The following FAM184B variants were observed in gnomAD, a reference collection of about 807,000 sequenced individuals.
The protein encoded by FAM184B is protein FAM184B.
A neutral mutation model predicts 135.9 loss-of-function variants in FAM184B; 111 were observed. That is an observed-to-expected ratio of 0.82 (90% CI 0.70 to 0.96). FAM184B has a LOEUF of 0.96. FAM184B is among the 40% of genes least tolerant of loss of function. The probability of loss-of-function intolerance (pLI) is 0.00; values close to 1 mark genes in which losing one functional copy is unlikely to be tolerated. For synonymous variants in FAM184B, 552 were observed against 524.8 expected, an observed-to-expected ratio of 1.05 and a Z score of -0.71; for missense variants, 1,375 against 1,323.9, an observed-to-expected ratio of 1.04 and a Z score of -0.60.
rs1577236084 is a variant in FAM184B, at chr4:17,629,645, T to C, written c.*2887A>G. Reference sequence around the variant, plus strand: ...GATTTACCATTAAATACTGTTTTTTTCTCTCTCTTAACTTAATCCCGAATT... The same window carrying C: ...GATTTACCATTAAATACTGTTTTTTCCTCTCTCTTAACTTAATCCCGAATT... On this transcript the variant is annotated 3_prime_UTR_variant, in exon 18 of 18. Coordinates refer to ENST00000265018, the MANE Select transcript of FAM184B (RefSeq NM_015688.2). 1 of 152,202 alleles carries C rather than the reference T, an allele frequency of 6.6e-6. No individual in the cohort carries two copies. Among genetic ancestry groups the C allele is most frequent in the East Asian group, 1.9e-4 (1 of 5,194 alleles). 9.4% of individuals were successfully genotyped at this position (152,202 alleles called of 1,614,324 possible). A position where few individuals can be genotyped will look rare whatever the true frequency, so the allele number is the denominator to read the frequency against.
intron 15 of FAM184B, among the ~76,000 whole-genome samples, chr4:17,635,832 CAG>C (rs2108926472): frequency 1.3e-5 from 2 of 152,284 alleles, no homozygotes; most frequent in African/African-American, 4.8e-5. Context: ...GATACTGAAT[CAG>C]AGGGAGCTGG....
At chr4:17,663,422 C>T (rs1307821243) in intron 8 of FAM184B, among the ~76,000 whole-genome samples, 2 of 152,174 alleles carry the variant, frequency 1.3e-5, no homozygotes, top group African/African-American at 4.8e-5. Context: ...GGAAGTCAAA[C>T]TATCCCTATT....
Position 17,743,426 on chromosome 4 carries a change from C to T in FAM184B, c.142-33782G>A, listed in dbSNP as rs73800381. On this transcript the variant is annotated intron_variant, in intron 1 of 17. Transcript: ENST00000265018. ...GTTATAAAGTTCACTCTGGCTGCTG[C>T]GTTGAGAGCAGGTGGAAGCAGGGAG... is the stretch of plus-strand genomic sequence containing the variant. 8.1e-3 allele frequency among the ~76,000 whole-genome samples: 1,239 copies of T among 152,254 alleles called. 20 individuals carry two copies. Among genetic ancestry groups the T allele is most frequent in the African/African-American group, 0.027 (1,134 of 41,564 alleles).
intron 10 of FAM184B, among the ~76,000 whole-genome samples, chr4:17,656,684 G>A (rs1322201478): frequency 2.0e-5 from 3 of 152,160 alleles, no homozygotes; most frequent in Admixed American, 1.3e-4. Flanking sequence ...TTACAGGCGT[G>A]AGCCACAATG....
chr4:17,750,880 T>A (rs1718275088), intron 1 of FAM184B, among the ~76,000 whole-genome samples: 2 of 152,176 alleles, frequency 1.3e-5, no homozygotes, highest in Admixed American at 6.5e-5. Context: ...ATGCCTGATC[T>A]AAGCTGGCTT....
At chr4:17,715,933 T>C (rs916014182) in intron 1 of FAM184B, among the ~76,000 whole-genome samples, 3 of 152,186 alleles carry the variant, frequency 2.0e-5, no homozygotes, top group African/African-American at 7.2e-5. Flanking sequence ...TTAAGTAAAA[T>C]TTTCTTTACT....
At chr4:17,696,833 T>TG (rs56235614) in intron 5 of FAM184B, among the ~76,000 whole-genome samples, 88,181 of 145,330 alleles carry the variant, frequency 0.61, 27,078 homozygotes, top group East Asian at 0.92. Flanking sequence ...AATGAATGAA[T>TG]AAATAAATAA....
chr4:17,650,078 G>GTCTGTCCA (rs112492419), intron 11 of FAM184B, among the ~76,000 whole-genome samples: 2 of 149,338 alleles, frequency 1.3e-5, no homozygotes, highest in Non-Finnish European at 3.0e-5. Context: ...TTGTCTGTCT[G>GTCTGTCCA]TCCATCCATC....
At chr4:17,636,412 T>TC in intron 15 of FAM184B, 116 bp downstream of exon 15, 1 of 818,612 alleles carries the variant, frequency 1.2e-6, no homozygotes, top group African/African-American at 1.7e-5. Flanking sequence ...AAGAAAGGAT[T>TC]CTTTGTAAGA....
chr4:17,685,382 C>T (rs915258874), intron 7 of FAM184B, among the ~76,000 whole-genome samples: 1 of 151,382 alleles, frequency 6.6e-6, no homozygotes, highest in African/African-American at 2.4e-5. Flanking sequence ...AACCTCATCT[C>T]TACTAAAAAT....
At chr4:17,761,037 G>A (rs764479192) in intron 1 of FAM184B, among the ~76,000 whole-genome samples, 4 of 152,138 alleles carry the variant, frequency 2.6e-5, no homozygotes, top group Admixed American at 6.5e-5. Flanking sequence ...TTTAGTTGAG[G>A]CCAGGGATAC....
At chr4:17,766,337 A>G (rs1278028707) in intron 1 of FAM184B, among the ~76,000 whole-genome samples, 2 of 152,384 alleles carry the variant, frequency 1.3e-5, no homozygotes, top group Middle Eastern at 3.4e-3. Flanking sequence ...AGCTACACAC[A>G]GAGCACTGAT....
At chr4:17,742,660 G>A (rs113754206) in intron 1 of FAM184B, among the ~76,000 whole-genome samples, 114 of 152,358 alleles carry the variant, frequency 7.5e-4, no homozygotes, top group African/African-American at 2.5e-3. Context: ...ATCAAAGACT[G>A]TGGATAGATG....
In FAM184B at chr4:17,766,085, G is replaced by A. The variant is rs117958753; in HGVS notation, c.141+15074C>T. On this transcript the variant is annotated intron_variant, in intron 1 of 17. Transcript: ENST00000265018. ...TGCAGGCCCAAAGAGTAAGCCACAG[G>A]AAGATTTATTACAAAGAGCAAGATT... 8.6e-3 allele frequency among the ~76,000 whole-genome samples: 1,313 copies of A among 152,308 alleles called. 40 individuals are homozygous for A. In the East Asian group the frequency reaches 0.092, roughly 11 times the overall value.
At chr4:17,733,540 CA>C (rs1268228103) in intron 1 of FAM184B, among the ~76,000 whole-genome samples, 10 of 152,110 alleles carry the variant, frequency 6.6e-5, no homozygotes. Context: ...ACACCAGTAA[CA>C]GACAGAGAGC....
intron 6 of FAM184B, among the ~76,000 whole-genome samples, chr4:17,692,723 G>A (rs1716764566): frequency 6.6e-6 from 1 of 152,216 alleles, no homozygotes. Context: ...TTTGAGGGAG[G>A]ACAGGGGAAG....
At position 17,736,158 on chromosome 4, in the gene FAM184B, C is replaced by T. The variant is rs143036134; in HGVS notation, c.142-26514G>A. ...AAGTCTCATTATTGCCCCAGTTTTA[C>T]AGATAGACAAACCAAGGTGTGGTGA... On this transcript the variant is annotated intron_variant, in intron 1 of 17. Transcript: ENST00000265018. 1.5e-3 allele frequency among the ~76,000 whole-genome samples: 234 copies of T among 152,226 alleles called. 1 individual carries two copies. The highest frequency in any genetic ancestry group is 5.5e-3 in the African/African-American group (229 of 41,536).
intron 1 of FAM184B, among the ~76,000 whole-genome samples, chr4:17,745,542 G>A (rs956520193): frequency 6.6e-6 from 1 of 152,208 alleles, no homozygotes; most frequent in African/African-American, 2.4e-5. Context: ...TTTCATGGCT[G>A]TATCGCAGTC....
intron 1 of FAM184B, among the ~76,000 whole-genome samples, chr4:17,737,369 CT>C (rs981928165): frequency 1.2e-3 from 170 of 143,784 alleles, no homozygotes; most frequent in African/African-American, 2.5e-3. Context: ...GAACAGTGTT[CT>C]TTTTTTTTTT....
Sources: allele counts gnomAD v4.1 joint callset (sites outside exome capture counted in the v4.1 genomes callset), GRCh38; gene constraint gnomAD v4.1.1; transcripts MANE v1.5; gene names NCBI Gene and HGNC (gene_info 2026-07-23, HGNC 2026-07-21).